The following ULK4 variants were observed in gnomAD, a reference collection of about 807,000 sequenced individuals.
ULK4 encodes unc-51 like kinase 4, also known as inactive serine/threonine-protein kinase ULK4.
Under a neutral mutation model 160.6 loss-of-function variants are expected in ULK4, and 133 were observed. The observed-to-expected ratio is 0.83, with a 90% CI of 0.72 to 0.96. ULK4 has a LOEUF of 0.96. ULK4 is among the 40% of genes least tolerant of loss of function. The probability of loss-of-function intolerance (pLI) is 0.00; values close to 1 mark genes in which losing one functional copy is unlikely to be tolerated. For synonymous variants in ULK4, 534 were observed against 539.8 expected (o/e 0.99, Z 0.15); for missense variants, 1,580 against 1,499.5 (o/e 1.05, Z -0.89).
At chr3:41,685,726 T>C (rs1559484409) in intron 27 of ULK4, among the ~76,000 whole-genome samples, 3 of 152,204 alleles carry the variant, frequency 2.0e-5, no homozygotes, top group Admixed American at 6.5e-5. Context: ...TCAATTCGTA[T>C]GTTTTGACTA....
intron 17 of ULK4, among the ~76,000 whole-genome samples, chr3:41,862,069 TA>T (rs909683222): frequency 2.8e-4 from 42 of 152,136 alleles, no homozygotes; most frequent in African/African-American, 1.0e-3. Context: ...TCAGCCTCCC[TA>T]AGTGCTGGGA....
chr3:41,835,935 A>G lies in ULK4; in HGVS notation c.1693T>C (p.Phe565Leu). Reference sequence around the variant, plus strand: ...CACTGTTTTAATTTGCTGTTCCTGAAGTTTTCCCTAATTAATTCAGTTAAG... The same window carrying G: ...CACTGTTTTAATTTGCTGTTCCTGAGGTTTTCCCTAATTAATTCAGTTAAG... ...VLLTELIREN[F>L]RNSKLKQCLL... Residue 565 changes from phenylalanine to leucine, a missense_variant, in exon 18 of 37, where the codon TTC becomes CTC. Physicochemically the swap from Phe to Leu is conservative, Grantham distance 22 (BLOSUM62 0). Transcript: ENST00000301831. 1 of 1,611,902 alleles carries G rather than the reference A, an allele frequency of 6.2e-7. No homozygotes were observed. Among genetic ancestry groups the G allele is most frequent in the Non-Finnish European group, 8.5e-7 (1 of 1,179,310 alleles).
At chr3:41,352,948 T>C (rs941414245) in intron 35 of ULK4, among the ~76,000 whole-genome samples, 2 of 152,228 alleles carry the variant, frequency 1.3e-5, no homozygotes, top group Non-Finnish European at 2.9e-5. Flanking sequence ...TTCCACCCAA[T>C]TGGGTGTCAG....
At chr3:41,674,810 G>C (rs1165719754) in intron 29 of ULK4, among the ~76,000 whole-genome samples, 1 of 152,102 alleles carries the variant, frequency 6.6e-6, no homozygotes, top group South Asian at 2.1e-4. Context: ...AGAAATACAG[G>C]TACCTTAACG....
chr3:41,338,651 G>C (rs1201284783), intron 35 of ULK4, among the ~76,000 whole-genome samples: 1 of 152,120 alleles, frequency 6.6e-6, no homozygotes, highest in South Asian at 2.1e-4. Context: ...AAGATCCAGT[G>C]TACTTTGGAG....
In ULK4 at chr3:41,671,135, A is replaced by G. The variant is rs73069333; in HGVS notation, c.2979-7436T>C. Among the ~76,000 whole-genome samples, 551 of 152,292 alleles carry G rather than the reference A, an allele frequency of 3.6e-3. 1 individual carries two copies. Among genetic ancestry groups the G allele is most frequent in the Middle Eastern group, 6.8e-3 (2 of 294 alleles). ...CCATGCTCACAGATCAGAAAAATTA[A>G]TATCATTAAAATGACCATACTGCCC... On this transcript the variant is annotated intron_variant, in intron 29 of 36. Coordinates refer to ENST00000301831, the MANE Select transcript of ULK4 (RefSeq NM_017886.4).
chr3:41,911,071 G>C (rs1698767298), intron 11 of ULK4, among the ~76,000 whole-genome samples: 1 of 152,194 alleles, frequency 6.6e-6, no homozygotes, highest in Non-Finnish European at 1.5e-5. Flanking sequence ...TGGAAATAAT[G>C]AGTTGCTTTG....
intron 21 of ULK4, among the ~76,000 whole-genome samples, chr3:41,757,955 C>A (rs1343271356): frequency 6.6e-6 from 1 of 152,110 alleles, no homozygotes; most frequent in African/African-American, 2.4e-5. Flanking sequence ...CTGCTATGGG[C>A]TGAATGTTTT....
At chr3:41,416,039 G>C (rs952916290) in intron 34 of ULK4, among the ~76,000 whole-genome samples, 3 of 152,138 alleles carry the variant, frequency 2.0e-5, no homozygotes, top group Non-Finnish European at 4.4e-5. Flanking sequence ...GTGGCTATAC[G>C]ATCTTCATAA....
At chr3:41,620,513 A>G (rs2033192576) in intron 30 of ULK4, among the ~76,000 whole-genome samples, 1 of 152,192 alleles carries the variant, frequency 6.6e-6, no homozygotes, top group South Asian at 2.1e-4. Context: ...AAATGACAAA[A>G]CCACATGATT....
chr3:41,933,203 C>A (rs888899821), intron 4 of ULK4, among the ~76,000 whole-genome samples: 9 of 152,152 alleles, frequency 5.9e-5, no homozygotes, highest in Non-Finnish European at 1.2e-4. Flanking sequence ...CCAGTCACTA[C>A]CCCCAGAGTT....
rs577032770 is a variant in ULK4 at position 41,475,651 on chromosome 3, G to A, written c.3227-12398C>T. Among the ~76,000 whole-genome samples, 6 of 151,972 alleles carry A rather than the reference G, an allele frequency of 3.9e-5. No homozygotes were observed. The East Asian group carries it at 7.7e-4, about 20-fold the overall frequency. On this transcript the variant is annotated intron_variant, in intron 32 of 36. Coordinates refer to ENST00000301831, the MANE Select transcript of ULK4 (RefSeq NM_017886.4). ...AAAAAATAAAAATTAAAAAAAGAAC[G>A]TTAAACTGAGACAATTCAAAACCTG...
chr3:41,885,374 T>C (rs1697680611), intron 16 of ULK4, among the ~76,000 whole-genome samples: 1 of 152,174 alleles, frequency 6.6e-6, no homozygotes. Flanking sequence ...CACTTATGAA[T>C]ATTCACTTTT....
intron 31 of ULK4, among the ~76,000 whole-genome samples, chr3:41,572,655 A>G (rs1345896069): frequency 6.6e-6 from 1 of 151,592 alleles, no homozygotes; most frequent in Non-Finnish European, 1.5e-5. Context: ...AGTCCCAGCT[A>G]CTGAGGAGGC....
intron 35 of ULK4, among the ~76,000 whole-genome samples, chr3:41,287,380 T>C (rs1013256410): frequency 6.6e-6 from 1 of 152,092 alleles, no homozygotes; most frequent in Non-Finnish European, 1.5e-5. Flanking sequence ...AGAACTGAAA[T>C]GATATGAAGA....
intron 22 of ULK4, among the ~76,000 whole-genome samples, chr3:41,730,945 T>C (rs1391374455): frequency 6.6e-6 from 1 of 152,066 alleles, no homozygotes; most frequent in Non-Finnish European, 1.5e-5. Context: ...ATGATTTCAA[T>C]ACATGCAGGG....
At chr3:41,475,497 C>CA (rs2084113523) in intron 32 of ULK4, among the ~76,000 whole-genome samples, 1 of 149,928 alleles carries the variant, frequency 6.7e-6, no homozygotes, top group Non-Finnish European at 1.5e-5. Flanking sequence ...ATTCTCACCA[C>CA]AAAAAAATAA....
intron 5 of ULK4, among the ~76,000 whole-genome samples, chr3:41,924,182 A>C (rs2148816428): frequency 6.6e-6 from 1 of 152,226 alleles, no homozygotes; most frequent in Non-Finnish European, 1.5e-5. Flanking sequence ...CCAATCATCA[A>C]CCCCACCCCA....
intron 30 of ULK4, among the ~76,000 whole-genome samples, chr3:41,642,505 T>C (rs549629811): frequency 8.5e-5 from 13 of 152,144 alleles, no homozygotes; most frequent in East Asian, 3.9e-4. Flanking sequence ...CATGTCCCTA[T>C]AAAGGACATG....
Sources: allele counts gnomAD v4.1 joint callset (sites outside exome capture counted in the v4.1 genomes callset), GRCh38; gene constraint gnomAD v4.1.1; transcripts MANE v1.5; gene names NCBI Gene and HGNC (gene_info 2026-07-23, HGNC 2026-07-21).